Variants in IL13RA1 observed in about 807,000 individuals in gnomAD.
IL13RA1 encodes the protein interleukin 13 receptor subunit alpha 1.
IL13RA1 carries 14 observed loss-of-function variants against 33.8 expected under a neutral mutation model. The observed-to-expected ratio is 0.41, with a 90% CI of 0.27 to 0.65. The LOEUF (loss-of-function observed/expected upper bound fraction) is 0.65. Among genes scored for constraint, IL13RA1 ranks in the 30% least tolerant of loss-of-function variants. The pLI, the probability that IL13RA1 is intolerant of heterozygous loss-of-function variation, is 0.28. For missense variants in IL13RA1, 313 were observed against 327.0 expected (o/e 0.96, Z 0.33); for synonymous variants, 116 against 115.7 (o/e 1.00, Z -0.02).
At chrX:118,758,752 C>T (rs969220231) in intron 5 of IL13RA1, 1 of 111,502 alleles carries the variant, frequency 9.0e-6, no homozygotes, top group African/African-American at 3.3e-5. Context: ...TCAGGTCTCT[C>T]TTCCTCTTTG....
chrX:118,727,766 C>CT, intron 1 of IL13RA1, 40 bp downstream of exon 1: 1 of 659,762 alleles, frequency 1.5e-6, no homozygotes, highest in Non-Finnish European at 2.0e-6. Context: ...GGCCGGAGGG[C>CT]TGAGGGCGGT....
intron 4 of IL13RA1, among the ~76,000 whole-genome samples, chrX:118,757,156 C>T (rs1381428259): frequency 9.0e-6 from 1 of 111,383 alleles, no homozygotes; most frequent in African/African-American, 3.3e-5. Flanking sequence ...CTAATCCCAG[C>T]CTTAGAATGT....
intron 6 of IL13RA1, among the ~76,000 whole-genome samples, chrX:118,763,521 T>C (rs2017612643): frequency 8.9e-6 from 1 of 112,623 alleles, no homozygotes; most frequent in South Asian, 3.6e-4. Context: ...CAATACTTCC[T>C]CTTAATAGCA....
At chrX:118,772,195 G>A (rs1056547300) in intron 8 of IL13RA1, among the ~76,000 whole-genome samples, 19 of 112,542 alleles carry the variant, frequency 1.7e-4, no homozygotes, top group African/African-American at 6.1e-4. Context: ...GATCTTTGAG[G>A]GAAAGTAATT....
At chrX:118,789,538 T>G (rs1296559969) in intron 10 of IL13RA1, among the ~76,000 whole-genome samples, 1 of 112,006 alleles carries the variant, frequency 8.9e-6, no homozygotes, top group Non-Finnish European at 1.9e-5. Context: ...TTTTGTGAAA[T>G]TCTTGTTCCA....
At position 118,784,139 on chromosome X, in the gene IL13RA1, A is replaced by ATATACGTATATATG. The variant is rs1569459449; in HGVS notation, c.1192-7619_1192-7618insCGTATATATGTATA. ...TATATGTATATATATGTATATATAT[A>ATATACGTATATATG]TATATATACGTATATACACATATAT... is the stretch of plus-strand genomic sequence containing the variant. On this transcript the variant is annotated intron_variant, in intron 10 of 10. Transcript: ENST00000371666. Among the ~76,000 whole-genome samples the ATATACGTATATATG allele has an allele frequency of 2.0e-3, 121 of 59,929 alleles. 6 individuals carry two copies. The highest frequency in any genetic ancestry group is 0.01 in the African/African-American group (112 of 10,906). The allele number at this position is 59,929 out of a possible 115,157, so 52.0% of individuals were successfully genotyped here.
At position 118,767,048 on chromosome X, in the gene IL13RA1, C is replaced by G. The variant is rs1399607888; in HGVS notation, c.1009+72C>G. ...AAACTAAGCTGAAGCAGAAAATAGACTGGGGAAAGGGACTGTCATGCTCTC... is the reference window on the plus strand; with the variant it reads ...AAACTAAGCTGAAGCAGAAAATAGAGTGGGGAAAGGGACTGTCATGCTCTC... On this transcript the variant is annotated intron_variant, in intron 8 of 10. Transcript: ENST00000371666. 4 of 551,209 alleles carry G rather than the reference C, an allele frequency of 7.3e-6. No homozygotes were observed. In the African/African-American group the frequency reaches 9.3e-5, roughly 13 times the overall value. 45.4% of individuals were successfully genotyped at this position (551,209 alleles called of 1,213,427 possible).
intron 2 of IL13RA1, among the ~76,000 whole-genome samples, chrX:118,746,492 G>A (rs1258855856): frequency 9.0e-6 from 1 of 111,697 alleles, no homozygotes; most frequent in Non-Finnish European, 1.9e-5. Flanking sequence ...AGTGAATTTT[G>A]ATAATCATAT....
chrX:118,786,093 T>G (rs1316670540), intron 10 of IL13RA1, among the ~76,000 whole-genome samples: 1 of 111,765 alleles, frequency 8.9e-6, no homozygotes, highest in Non-Finnish European at 1.9e-5. Flanking sequence ...TGTGGCTCAT[T>G]TTTATTTTAT....
At chrX:118,786,355 C>T (rs1473700693) in intron 10 of IL13RA1, among the ~76,000 whole-genome samples, 2 of 108,777 alleles carry the variant, frequency 1.8e-5, no homozygotes, top group African/African-American at 6.7e-5. Flanking sequence ...CACGCCTCTG[C>T]ACTCCAGCCC....
chrX:118,765,127 C>G lies in IL13RA1; in HGVS notation c.829-1403C>G, dbSNP rs1230999193. ...TTTTTTTTCGAGACAGAGTCTTGCT[C>G]TGTCACCCAGGCTGGAGTGCAGTGC... On this transcript the variant is annotated intron_variant, in intron 6 of 10. Transcript: ENST00000371666. Among the ~76,000 whole-genome samples the G allele has an allele frequency of 3.6e-5, 4 of 110,877 alleles. No homozygotes were observed. In the Admixed American group the frequency reaches 3.8e-4, roughly 11 times the overall value.
At position 118,728,572 on chromosome X, in the gene IL13RA1, G is replaced by A. The variant is rs760846344; in HGVS notation, c.88+846G>A. ...TCCTGGAAGGAATGGCCTTCTGGAC[G>A]TTTTTGGTGACAATGAAAGCCCCAA... On this transcript the variant is annotated intron_variant, in intron 1 of 10. Coordinates refer to ENST00000371666, the MANE Select transcript of IL13RA1 (RefSeq NM_001560.3). Among the ~76,000 whole-genome samples, 5 of 112,187 alleles carry A rather than the reference G, an allele frequency of 4.5e-5. No homozygotes were observed. In the South Asian group the frequency reaches 1.1e-3, roughly 25 times the overall value.
intron 8 of IL13RA1, among the ~76,000 whole-genome samples, chrX:118,772,900 A>G (rs1217043387): frequency 1.8e-5 from 2 of 112,520 alleles, no homozygotes; most frequent in Non-Finnish European, 3.8e-5. Flanking sequence ...TGGGACAACT[A>G]TGATTTAAGA....
chrX:118,744,012 G>C (rs1170520994), intron 2 of IL13RA1, among the ~76,000 whole-genome samples: 1 of 111,379 alleles, frequency 9.0e-6, no homozygotes, highest in Non-Finnish European at 1.9e-5. Flanking sequence ...CAGGCGTGGT[G>C]GTGTGCACCT....
intron 5 of IL13RA1, among the ~76,000 whole-genome samples, chrX:118,758,694 C>T (rs899502556): frequency 9.0e-6 from 1 of 111,431 alleles, no homozygotes; most frequent in Non-Finnish European, 1.9e-5. Flanking sequence ...CTGCAAAGTC[C>T]CAAGACAGCA....
chrX:118,755,372 C>T (rs1451361094), intron 4 of IL13RA1, among the ~76,000 whole-genome samples: 1 of 107,232 alleles, frequency 9.3e-6, no homozygotes, highest in Non-Finnish European at 1.9e-5. Context: ...GTCATGCCAG[C>T]GAATTTTAGG....
intron 1 of IL13RA1, among the ~76,000 whole-genome samples, chrX:118,739,885 T>A (rs2017322723): frequency 8.9e-6 from 1 of 112,284 alleles, no homozygotes; most frequent in African/African-American, 3.2e-5. Context: ...GAATTAAAGA[T>A]GAGCTTCTTA....
At chrX:118,741,426 T>C (rs759540939) in intron 2 of IL13RA1, among the ~76,000 whole-genome samples, 1 of 112,462 alleles carries the variant, frequency 8.9e-6, no homozygotes, top group Admixed American at 9.5e-5. Flanking sequence ...TAAATAATTA[T>C]GTTATTGTTA....
chrX:118,738,547 A>G (rs2017307716), intron 1 of IL13RA1, among the ~76,000 whole-genome samples: 1 of 111,893 alleles, frequency 8.9e-6, no homozygotes, highest in African/African-American at 3.2e-5. Flanking sequence ...TGCAAAGGGC[A>G]TGGTTTCATT....
Sources: allele counts gnomAD v4.1 joint callset (sites outside exome capture counted in the v4.1 genomes callset), GRCh38; gene constraint gnomAD v4.1.1; transcripts MANE v1.5; gene names NCBI Gene and HGNC (gene_info 2026-07-23, HGNC 2026-07-21).